EXOC4: variants seen among roughly 807,000 people sequenced by gnomAD.
EXOC4 encodes SEC8-like 1.
In EXOC4, 71 loss-of-function variants were observed where a neutral mutation model predicts 107.2. The ratio of observed to expected loss-of-function variants is 0.66; its 90% confidence interval spans 0.55 to 0.81. EXOC4 has a LOEUF of 0.81. Ranked by LOEUF, EXOC4 falls within the 30% of genes least tolerant of loss-of-function variation. The probability of loss-of-function intolerance (pLI) is 0.00; values close to 1 mark genes in which losing one functional copy is unlikely to be tolerated. For synonymous variants in EXOC4, 456 were observed against 441.2 expected, an observed-to-expected ratio of 1.03 and a Z score of -0.42; for missense variants, 1,108 against 1,189.6, an observed-to-expected ratio of 0.93 and a Z score of 1.01.
intron 10 of EXOC4, among the ~76,000 whole-genome samples, chr7:133,709,190 GACA>G (rs1236026752): frequency 6.6e-6 from 1 of 152,218 alleles, no homozygotes; most frequent in Non-Finnish European, 1.5e-5. Context: ...AATTGCAAAG[GACA>G]ACAAGTTATC....
chr7:134,044,498 A>G (rs917081247), intron 17 of EXOC4, among the ~76,000 whole-genome samples: 8 of 152,152 alleles, frequency 5.3e-5, no homozygotes, highest in Admixed American at 2.0e-4. Context: ...AGGAATCAGC[A>G]TGTATTTTCT....
Position 133,938,075 on chromosome 7 carries a change from T to G in EXOC4, c.2206+6T>G. On this transcript the variant is annotated splice_donor_region_variant and intron_variant, in intron 14 of 17. Coordinates refer to ENST00000253861, the MANE Select transcript of EXOC4 (RefSeq NM_021807.4). ...CAATCTTTCTACATCCCAGAGTAAG[T>G]ATCTAGTAGGAAGCTGTTGTGGGGA... is the stretch of plus-strand genomic sequence containing the variant. 6.2e-7 allele frequency: 1 copy of G among 1,614,096 alleles called. No homozygotes were observed. Among genetic ancestry groups the G allele is most frequent in the Non-Finnish European group, 8.5e-7 (1 of 1,179,954 alleles).
rs17167248 is a variant in EXOC4 at position 133,747,694 on chromosome 7, T to C, written c.1515-69631T>C. Among the ~76,000 whole-genome samples, 165 of 152,236 alleles carry C rather than the reference T, an allele frequency of 1.1e-3. 3 individuals are homozygous for C. In the East Asian group the frequency reaches 0.03, roughly 27 times the overall value. The stretch of plus-strand genomic sequence containing the variant: ...TGACCTTGGTGTATTCATTTACCCT[T>C]GTCAAAAAATAAAGGTGATTTGAGC... On this transcript the variant is annotated intron_variant, in intron 10 of 17. Transcript: ENST00000253861.
At chr7:134,058,887 A>T (rs1269314006) in intron 17 of EXOC4, among the ~76,000 whole-genome samples, 3 of 151,870 alleles carry the variant, frequency 2.0e-5, no homozygotes, top group Non-Finnish European at 4.4e-5. Flanking sequence ...CAATTTTCTC[A>T]TATGTATAAC....
chr7:133,421,351 G>A (rs960935494), intron 7 of EXOC4, among the ~76,000 whole-genome samples: 5 of 152,124 alleles, frequency 3.3e-5, no homozygotes, highest in Non-Finnish European at 2.9e-5. Context: ...GATCCAAACT[G>A]GGTCACACAG....
In EXOC4 at chr7:134,005,000, C is replaced by G; in HGVS notation, c.2437C>G (p.Leu813Val). The G allele has an allele frequency of 1.2e-6, 2 of 1,613,594 alleles. No individual in the cohort carries two copies. The highest frequency in any genetic ancestry group is 1.7e-6 in the Non-Finnish European group (2 of 1,179,654). ...TGTGGAAAGTATGGATTATGACCCCCTGGTGGTCAAGCTCAACAAAGATAT... is the reference window on the plus strand; with the variant it reads ...TGTGGAAAGTATGGATTATGACCCCGTGGTGGTCAAGCTCAACAAAGATAT... The part of the protein sequence containing the change: ...ANVESMDYDP[L>V]VVKLNKDISA... Residue 813 changes from leucine (L) to valine (V), a missense_variant, in exon 16 of 18, where the codon CTG becomes GTG. Transcript: ENST00000253861.
intron 17 of EXOC4, among the ~76,000 whole-genome samples, chr7:134,008,668 G>C (rs774289087): frequency 6.6e-6 from 1 of 151,824 alleles, no homozygotes; most frequent in African/African-American, 2.4e-5. Context: ...TAAGTGACAG[G>C]GTATTGCTCT....
intron 11 of EXOC4, among the ~76,000 whole-genome samples, chr7:133,865,573 A>C (rs1352956791): frequency 6.6e-6 from 1 of 152,194 alleles, no homozygotes; most frequent in Non-Finnish European, 1.5e-5. Context: ...AGGACTACCT[A>C]AGTCTAGATA....
At chr7:133,984,512 GA>G (rs1311376558) in intron 14 of EXOC4, among the ~76,000 whole-genome samples, 2 of 151,956 alleles carry the variant, frequency 1.3e-5, no homozygotes, top group African/African-American at 4.8e-5. Context: ...AAAATATAAT[GA>G]AAAAAATGGT....
rs76812684 is a variant in EXOC4, at chr7:134,020,445, C to A, written c.2687+12610C>A. 4.8e-3 allele frequency among the ~76,000 whole-genome samples: 725 copies of A among 152,266 alleles called. 4 individuals are homozygous for A. The highest frequency in any genetic ancestry group is 0.016 in the African/African-American group (661 of 41,528). ...TCCCCTTTACTCTTATCTCCTACTG[C>A]AGGCAGCAAAAGTAAAAATAACTTG... On this transcript the variant is annotated intron_variant, in intron 17 of 17. Transcript: ENST00000253861.
At chr7:133,455,909 ATTAT>A (rs925036213) in intron 7 of EXOC4, among the ~76,000 whole-genome samples, 1 of 152,194 alleles carries the variant, frequency 6.6e-6, no homozygotes, top group Non-Finnish European at 1.5e-5. Context: ...ATACACCTTT[ATTAT>A]TTATTAACTG....
At chr7:133,919,337 G>T (rs1799885976) in intron 13 of EXOC4, among the ~76,000 whole-genome samples, 1 of 152,068 alleles carries the variant, frequency 6.6e-6, no homozygotes, top group African/African-American at 2.4e-5. Context: ...CATTCATGTG[G>T]TGTATTTGTT....
At chr7:134,089,775 T>C in the EXOC4 span, among the ~76,000 whole-genome samples, 1 of 152,204 alleles carries the variant, frequency 6.6e-6, no homozygotes, top group Admixed American at 6.6e-5. Flanking sequence ...ATTTACCATA[T>C]AAGATCCTTT....
chr7:133,594,491 G>GTTTTTTTTTTTTTTT (rs1302445068), intron 9 of EXOC4, among the ~76,000 whole-genome samples: 1 of 23,678 alleles, frequency 4.2e-5, no homozygotes, highest in African/African-American at 1.7e-4. Flanking sequence ...ATAAGCTTGA[G>GTTTTTTTTTTTTTTT]TCTTTTTTTT....
At chr7:133,702,550 T>A (rs1475375700) in intron 10 of EXOC4, among the ~76,000 whole-genome samples, 1 of 150,904 alleles carries the variant, frequency 6.6e-6, no homozygotes, top group Non-Finnish European at 1.5e-5. Context: ...AGTCTAAAAC[T>A]CCTGGGTTCA....
intron 14 of EXOC4, among the ~76,000 whole-genome samples, chr7:133,988,171 T>A (rs912131594): frequency 1.3e-5 from 2 of 152,186 alleles, no homozygotes. Flanking sequence ...TGAAGTGGCT[T>A]CTAACAGCAG....
At chr7:133,385,535 C>G (rs527927481) in intron 7 of EXOC4, among the ~76,000 whole-genome samples, 4 of 152,330 alleles carry the variant, frequency 2.6e-5, no homozygotes, top group Non-Finnish European at 5.9e-5. Context: ...AAGTCTTTCA[C>G]AGAACTCCTT....
At chr7:133,443,000 A>G (rs1296278801) in intron 7 of EXOC4, among the ~76,000 whole-genome samples, 1 of 152,214 alleles carries the variant, frequency 6.6e-6, no homozygotes, top group East Asian at 1.9e-4. Context: ...TGACAATGTA[A>G]TCTACAATAC....
intron 14 of EXOC4, among the ~76,000 whole-genome samples, chr7:133,983,983 A>G (rs1282446835): frequency 6.6e-6 from 1 of 152,148 alleles, no homozygotes; most frequent in Non-Finnish European, 1.5e-5. Flanking sequence ...AGCCTTAGGG[A>G]GGATTATTTG....
Sources: gnomAD v4.1 joint callset for allele counts (sites outside exome capture counted in the v4.1 genomes callset) on GRCh38, gnomAD v4.1.1 for gene constraint, MANE v1.5 for transcripts, NCBI Gene and HGNC (gene_info 2026-07-23, HGNC 2026-07-21) for gene names.